PCGF6: variants seen among roughly 807,000 people sequenced by gnomAD.
PCGF6 encodes polycomb group RING finger protein 6.
In PCGF6, 24 loss-of-function variants were observed where a neutral mutation model predicts 45.5. The observed-to-expected ratio is 0.53, with a 90% CI of 0.38 to 0.74. The LOEUF (loss-of-function observed/expected upper bound fraction) is 0.74, where lower values mean the gene tolerates loss of function less well. Ranked by LOEUF, PCGF6 falls within the 30% of genes least tolerant of loss-of-function variation. The pLI is 0.00. For synonymous variants in PCGF6, 152 were observed against 162.1 expected (o/e 0.94, Z 0.47); for missense variants, 356 against 443.2 (o/e 0.80, Z 1.77).
chr10:103,319,189 G>A (rs150787616), intron 8 of PCGF6, among the ~76,000 whole-genome samples: 1,934 of 152,162 alleles, frequency 0.013, 21 homozygotes, highest in Non-Finnish European at 0.021. Flanking sequence ...TCACTCTGCC[G>A]CCCAGGCTGG....
In PCGF6 at chr10:103,333,953, C is replaced by T. The variant is rs548485164; in HGVS notation, c.783-1G>A. On this transcript the variant is annotated splice_acceptor_variant, in intron 6 of 9. Coordinates refer to ENST00000369847, the MANE Select transcript of PCGF6 (RefSeq NM_001011663.2). LOFTEE classifies it high-confidence loss of function. ...AAAATGTCCCGTGCCTTCATTAGCA[C>T]TGAAAAATGAGAGCAAAATTAATCA... is the stretch of plus-strand genomic sequence containing the variant. The T allele has an allele frequency of 6.5e-7, 1 of 1,534,988 alleles. No individual in the cohort carries two copies. The highest frequency in any genetic ancestry group is 8.7e-7 in the Non-Finnish European group (1 of 1,145,260).
intron 9 of PCGF6, among the ~76,000 whole-genome samples, chr10:103,309,869 C>A (rs1489185148): frequency 6.6e-6 from 1 of 151,892 alleles, no homozygotes; most frequent in Non-Finnish European, 1.5e-5. Flanking sequence ...TTGAGCCCCC[C>A]AGGTTGAGGC....
chr10:103,314,312 C>A, intron 8 of PCGF6, 40 bp from the exon 9 acceptor site: 1 of 1,183,648 alleles, frequency 8.4e-7, no homozygotes, highest in Non-Finnish European at 1.2e-6. Context: ...TTTCTTGCTT[C>A]AAAATACCAT....
intron 7 of PCGF6, 70 bp from the exon 8 acceptor site, chr10:103,326,702 T>A: frequency 9.0e-7 from 1 of 1,105,260 alleles, no homozygotes; most frequent in Non-Finnish European, 1.3e-6. Context: ...TATGTGTATA[T>A]ATATGTAATG....
chr10:103,333,797 T>C, intron 7 of PCGF6, 128 bp downstream of exon 7: 2 of 627,642 alleles, frequency 3.2e-6, no homozygotes, highest in South Asian at 2.6e-5. Flanking sequence ...CATAAATCTA[T>C]AATATTATTA....
intron 8 of PCGF6, among the ~76,000 whole-genome samples, chr10:103,324,450 C>T (rs78629417): frequency 0.015 from 2,310 of 151,536 alleles, 41 homozygotes; most frequent in South Asian, 0.074. Flanking sequence ...TTGAGGTTTC[C>T]ATCGTACAAC....
At chr10:103,339,296 G>A (rs1291578057) in intron 6 of PCGF6, among the ~76,000 whole-genome samples, 1 of 152,064 alleles carries the variant, frequency 6.6e-6, no homozygotes, top group African/African-American at 2.4e-5. Flanking sequence ...AGGCTGAGGC[G>A]AGAGGATTGC....
In PCGF6 at chr10:103,303,614, A is replaced by G. The variant is rs1337691199; in HGVS notation, c.*291T>C. The G allele has an allele frequency of 1.2e-5, 3 of 251,916 alleles. No homozygotes were observed. The highest frequency in any genetic ancestry group is 2.3e-5 in the Non-Finnish European group (3 of 132,850). 15.6% of individuals were successfully genotyped at this position (251,916 alleles called of 1,614,324 possible). On this transcript the variant is annotated 3_prime_UTR_variant, in exon 10 of 10. Coordinates refer to ENST00000369847, the MANE Select transcript of PCGF6 (RefSeq NM_001011663.2). Reference sequence around the variant, plus strand: ...AGAAAACTAACCAATTACTTCAAAGATGGGAAGCAAAATCAATGTCAAGGT... The same window carrying G: ...AGAAAACTAACCAATTACTTCAAAGGTGGGAAGCAAAATCAATGTCAAGGT...
At chr10:103,322,486 G>A (rs1206159550) in intron 8 of PCGF6, among the ~76,000 whole-genome samples, 1 of 151,948 alleles carries the variant, frequency 6.6e-6, no homozygotes, top group Non-Finnish European at 1.5e-5. Flanking sequence ...GATTACAGGT[G>A]CAAGCCACCA....
Position 103,350,930 on chromosome 10 carries a change from G to T in PCGF6, c.137C>A (p.Ala46Glu), listed in dbSNP as rs1592082146. The T allele has an allele frequency of 4.6e-6, 7 of 1,512,316 alleles. No individual in the cohort carries two copies. In the South Asian group the frequency reaches 7.5e-5, roughly 16 times the overall value. 93.7% of individuals were successfully genotyped at this position (1,512,316 alleles called of 1,614,324 possible). ...GGGAGCCCCCGTCTCAGACAGAGGC[G>T]CCGGTCCCTCCTCACCCGCTGCGGG... ...PAPAAGEEGP[A>E]PLSETGAPGC... Residue 46 changes from alanine (A) to glutamate (E), a missense_variant, in exon 1 of 10, where the codon GCG (alanine) becomes GAG (glutamate). Physicochemically the swap from Ala to Glu is moderately radical, Grantham distance 107. Around this residue, in one of 2 missense-constraint regions of PCGF6, gnomAD observed 307 missense variants for 350.1 expected, o/e 0.88. Transcript: ENST00000369847.
chr10:103,316,009 TATATAG>T (rs1314044125), intron 8 of PCGF6, among the ~76,000 whole-genome samples: 61 of 127,350 alleles, frequency 4.8e-4, no homozygotes, highest in Middle Eastern at 3.9e-3. Context: ...TATATATATA[TATATAG>T]AGAGAGAGAG....
At position 103,339,813 on chromosome 10, in the gene PCGF6, ACACACACACAC is replaced by A. The variant is rs2093273106; in HGVS notation, c.782+5200_782+5210del. Among the ~76,000 whole-genome samples the A allele has an allele frequency of 7.7e-4, 13 of 16,942 alleles. 1 individual carries two copies. The highest frequency in any genetic ancestry group is 1.8e-3 in the African/African-American group (8 of 4,556). 11.1% of individuals were successfully genotyped at this position (16,942 alleles called of 152,430 possible). A position where few individuals can be genotyped will look rare whatever the true frequency, so the allele number is the denominator to read the frequency against. On this transcript the variant is annotated intron_variant, in intron 6 of 9. Transcript: ENST00000369847. Reference sequence around the variant, plus strand: ...ATTCTGTCTGTCTCAAAAAAAAAACACACACACACACACACACACACACACACACACACACA... The same window carrying A: ...ATTCTGTCTGTCTCAAAAAAAAAACAACACACACACACACACACACACACA...
chr10:103,311,287 A>C (rs1290309557), intron 9 of PCGF6, among the ~76,000 whole-genome samples: 1 of 151,860 alleles, frequency 6.6e-6, no homozygotes, highest in Non-Finnish European at 1.5e-5. Flanking sequence ...GATTACAGGC[A>C]CCTGCCACCA....
chr10:103,324,593 C>G (rs1188608619), intron 8 of PCGF6, among the ~76,000 whole-genome samples: 2 of 150,860 alleles, frequency 1.3e-5, no homozygotes, highest in East Asian at 3.9e-4. Flanking sequence ...AACCCCGTCT[C>G]TACTAAAAAT....
chr10:103,316,023 G>GAA (rs2093175109), intron 8 of PCGF6, among the ~76,000 whole-genome samples: 1 of 150,302 alleles, frequency 6.7e-6, no homozygotes, highest in Non-Finnish European at 1.5e-5. Context: ...TAGAGAGAGA[G>GAA]AGAGAGAGAG....
intron 6 of PCGF6, among the ~76,000 whole-genome samples, chr10:103,336,688 A>C (rs1366294934): frequency 6.6e-6 from 1 of 152,138 alleles, no homozygotes; most frequent in South Asian, 2.1e-4. Context: ...TTGCCTGGCC[A>C]ACATGGTAAA....
chr10:103,327,819 C>T (rs1235068815), intron 7 of PCGF6, among the ~76,000 whole-genome samples: 4 of 151,344 alleles, frequency 2.6e-5, no homozygotes, highest in African/African-American at 9.7e-5. Flanking sequence ...GGACTACAGG[C>T]GTGCACCACT....
chr10:103,315,328 G>A (rs190727906), intron 8 of PCGF6, among the ~76,000 whole-genome samples: 7 of 152,128 alleles, frequency 4.6e-5, no homozygotes, highest in Admixed American at 3.3e-4. Context: ...TGGGACTAGA[G>A]GTGTGCACCA....
intron 6 of PCGF6, among the ~76,000 whole-genome samples, chr10:103,336,131 G>A (rs1462050780): frequency 1.3e-5 from 2 of 151,894 alleles, no homozygotes; most frequent in African/African-American, 4.8e-5. Context: ...CTACTCGGGA[G>A]GCTGAGGCAG....
Sources: allele counts gnomAD v4.1 joint callset (sites outside exome capture counted in the v4.1 genomes callset), GRCh38; gene constraint gnomAD v4.1.1; regional missense constraint gnomAD v4.1.1; transcripts MANE v1.5; gene names NCBI Gene and HGNC (gene_info 2026-07-23, HGNC 2026-07-21).